The following PXN variants were observed in gnomAD, a reference collection of about 807,000 sequenced individuals.
PXN encodes the protein paxillin.
A neutral mutation model predicts 103.6 loss-of-function variants in PXN; 61 were observed. That is an observed-to-expected ratio of 0.59 (90% confidence interval 0.48 to 0.73). The LOEUF is 0.73. Ranked by LOEUF, PXN falls within the 30% of genes least tolerant of loss-of-function variation. The pLI is 0.00. For synonymous variants in PXN, 562 were observed against 607.8 expected (o/e 0.92, Z 1.11); for missense variants, 1,274 against 1,460.3 (o/e 0.87, Z 2.08).
At chr12:120,264,957 GT>G (rs1159792173) in intron 1 of PXN, among the ~76,000 whole-genome samples, 3 of 152,150 alleles carry the variant, frequency 2.0e-5, no homozygotes, top group Non-Finnish European at 4.4e-5. Flanking sequence ...CAGATTTGAA[GT>G]GGGGGGTCAG....
At chr12:120,241,131 G>A (rs1168025080) in intron 1 of PXN, among the ~76,000 whole-genome samples, 1 of 152,174 alleles carries the variant, frequency 6.6e-6, no homozygotes, top group African/African-American at 2.4e-5. Context: ...CAATAGTCAT[G>A]GCCCAAAGGG....
chr12:120,217,154 TC>T lies in PXN; in HGVS notation c.1717-39del, dbSNP rs997528919. On this transcript the variant is annotated intron_variant, in intron 7 of 14. Transcript: ENST00000637617. The surrounding 1 kb of genome is among the most constrained non-coding windows in gnomAD (Gnocchi z 4.1). ...GGAGGGGAGGCTGTCACCGTCCCAC[TC>T]CCAGCTTGCACAACGCTGCTCAGGC... 8 of 1,501,430 alleles carry T rather than the reference TC, an allele frequency of 5.3e-6. No homozygotes were observed. In the African/African-American group the frequency reaches 1.1e-4, roughly 21 times the overall value. 93.0% of individuals were successfully genotyped at this position (1,501,430 alleles called of 1,614,324 possible).
chr12:120,219,699 G>A lies in PXN; in HGVS notation c.1224C>T (p.Ser408=). The change falls in exon 7 of 15, where the codon AGC becomes AGT. Residue 408 remains serine, a synonymous_variant. Coordinates refer to ENST00000637617, the MANE Select transcript of PXN (RefSeq NM_001385981.1). The surrounding 1 kb of genome is among the most constrained non-coding windows in gnomAD (Gnocchi z 6.5). ...PRCHTVPCAG[S]TALQEPGEPQ... ...GCTCCCCAGGCTCTTGGAGAGCTGT[G>A]CTCCCAGCACAGGGTACAGTGTGGC... 1 of 1,593,884 alleles carries A rather than the reference G, an allele frequency of 6.3e-7. No individual in the cohort carries two copies. The highest frequency in any genetic ancestry group is 1.3e-5 in the African/African-American group (1 of 74,920).
In PXN at chr12:120,233,624, G is replaced by A. The variant is rs142626050; in HGVS notation, c.14-9247C>T. Among the ~76,000 whole-genome samples, 205 of 152,254 alleles carry A rather than the reference G, an allele frequency of 1.3e-3. 1 individual carries two copies. Among genetic ancestry groups the A allele is most frequent in the African/African-American group, 4.7e-3 (195 of 41,544 alleles). On this transcript the variant is annotated intron_variant, in intron 1 of 14. Transcript: ENST00000637617. ...CCCGGCCCTCACAGGCCTCTTAGAG[G>A]GGCTTGAATGAATGTGTGCAGAGCA...
intron 1 of PXN, among the ~76,000 whole-genome samples, chr12:120,254,211 C>G (rs1892650942): frequency 6.6e-6 from 1 of 151,984 alleles, no homozygotes; most frequent in African/African-American, 2.4e-5. Flanking sequence ...ATAAAGAGGT[C>G]AAATACAGAG....
Position 120,217,685 on chromosome 12 carries a change from T to C in PXN, c.1717-569A>G, listed in dbSNP as rs1336367198. Among the ~76,000 whole-genome samples, 1 of 152,094 alleles carries C rather than the reference T, an allele frequency of 6.6e-6. No individual in the cohort carries two copies. Among genetic ancestry groups the C allele is most frequent in the Non-Finnish European group, 1.5e-5 (1 of 68,014 alleles). ...ACCTCCGCCTCCTGGGTTCAAGAGA[T>C]TCTCCTGCCTCAGCCTCCTGAGTAG... On this transcript the variant is annotated intron_variant, in intron 7 of 14. Transcript: ENST00000637617. The surrounding 1 kb of genome is among the most constrained non-coding windows in gnomAD (Gnocchi z 4.1).
rs942527595 is a variant in PXN, at chr12:120,224,013, G to A, written c.240+138C>T. ...GGTCACTGTTCCACTCACGTGGTGA[G>A]TGGGAAGAGCAGTGTCTGGTTGGGA... On this transcript the variant is annotated intron_variant, in intron 2 of 14. Transcript: ENST00000637617. The surrounding 1 kb of genome is among the most constrained non-coding windows in gnomAD (Gnocchi z 5.0). The A allele has an allele frequency of 1.6e-5, 13 of 812,848 alleles. No individual in the cohort carries two copies. The South Asian group carries it at 2.0e-4, about 12-fold the overall frequency. 50.4% of individuals were successfully genotyped at this position (812,848 alleles called of 1,614,324 possible).
chr12:120,250,651 G>A (rs1249273930), intron 1 of PXN, among the ~76,000 whole-genome samples: 1 of 152,146 alleles, frequency 6.6e-6, no homozygotes, highest in Non-Finnish European at 1.5e-5. Flanking sequence ...AGGCTCAGGG[G>A]AAATTAAAAG....
chr12:120,262,085 G>A (rs1893965798), intron 1 of PXN, among the ~76,000 whole-genome samples: 2 of 152,196 alleles, frequency 1.3e-5, no homozygotes, highest in African/African-American at 4.8e-5. Context: ...CCACAGACAG[G>A]AAAGCCCAAA....
At chr12:120,257,232 G>C (rs1893156491) in intron 1 of PXN, among the ~76,000 whole-genome samples, 1 of 152,166 alleles carries the variant, frequency 6.6e-6, no homozygotes, top group African/African-American at 2.4e-5. Context: ...AAACAGAACA[G>C]AACATGGCTG....
At chr12:120,237,180 CAG>C (rs1223512624) in intron 1 of PXN, among the ~76,000 whole-genome samples, 1 of 145,866 alleles carries the variant, frequency 6.9e-6, no homozygotes, top group Non-Finnish European at 1.5e-5. Flanking sequence ...CACACACACA[CAG>C]AATCTCACTT....
chr12:120,220,819 T>C lies in PXN; in HGVS notation c.832-728A>G, dbSNP rs1884902869. ...GCTGAAGGGAGGCTAGGAGACACCATCAGGGCCAAGGGTGCAGGGACCGTT... is the reference window on the plus strand; with the variant it reads ...GCTGAAGGGAGGCTAGGAGACACCACCAGGGCCAAGGGTGCAGGGACCGTT... On this transcript the variant is annotated intron_variant, in intron 6 of 14. Coordinates refer to ENST00000637617, the MANE Select transcript of PXN (RefSeq NM_001385981.1). This position sits in a 1 kb window ranked among gnomAD's most constrained non-coding sequence, Gnocchi z 6.1. 6.6e-6 allele frequency among the ~76,000 whole-genome samples: 1 copy of C among 152,064 alleles called. No individual in the cohort carries two copies. The highest frequency in any genetic ancestry group is 2.4e-5 in the African/African-American group (1 of 41,388).
chr12:120,254,878 G>A (rs1334319746), intron 1 of PXN, among the ~76,000 whole-genome samples: 1 of 152,060 alleles, frequency 6.6e-6, no homozygotes, highest in Non-Finnish European at 1.5e-5. Flanking sequence ...AAATAAAGAA[G>A]CACATGAAAA....
chr12:120,233,650 A>C (rs1888484846), intron 1 of PXN, among the ~76,000 whole-genome samples: 1 of 152,164 alleles, frequency 6.6e-6, no homozygotes, highest in Non-Finnish European at 1.5e-5. Flanking sequence ...GTGCAGAGCA[A>C]GGGGTGGAGT....
chr12:120,213,971 G>T lies in PXN; in HGVS notation c.2850C>A (p.Gly950=), dbSNP rs1336495917. ...FGPEGFHEKD[G]KAYCRKDYFD... is the part of the protein sequence containing the mutation. ...AGTAGTCCTTGCGACAGTAGGCCTT[G>T]CCGTCCTTCTCGTGGAACCCTGGGG... The change falls in exon 14 of 15, where the codon GGC becomes GGA. Residue 950 remains glycine, a synonymous_variant. Coordinates refer to ENST00000637617, the MANE Select transcript of PXN (RefSeq NM_001385981.1). The surrounding 1 kb of genome is among the most constrained non-coding windows in gnomAD (Gnocchi z 4.2). The T allele has an allele frequency of 6.2e-7, 1 of 1,612,544 alleles. No individual in the cohort carries two copies. The highest frequency in any genetic ancestry group is 8.5e-7 in the Non-Finnish European group (1 of 1,179,456).
intron 1 of PXN, among the ~76,000 whole-genome samples, chr12:120,239,661 G>C (rs1440262113): frequency 6.6e-6 from 1 of 152,200 alleles, no homozygotes; most frequent in Non-Finnish European, 1.5e-5. Flanking sequence ...TGAGGCAACG[G>C]AATTGCTTGA....
At chr12:120,235,181 G>A (rs765205280) in intron 1 of PXN, among the ~76,000 whole-genome samples, 2 of 152,038 alleles carry the variant, frequency 1.3e-5, no homozygotes, top group Non-Finnish European at 2.9e-5. Context: ...ACCCAGAATC[G>A]CAACAATAGA....
chr12:120,214,950 T>C lies in PXN; in HGVS notation c.2623A>G (p.Thr875Ala), dbSNP rs746283612. 6.2e-7 allele frequency: 1 copy of C among 1,613,864 alleles called. No individual in the cohort carries two copies. The highest frequency in any genetic ancestry group is 2.2e-5 in the East Asian group (1 of 44,874). Residue 875 changes from threonine (T) to alanine (A), a missense_variant, in exon 12 of 15, where the codon ACC becomes GCC. By Grantham distance (58) the Thr-to-Ala change is moderately conservative. Transcript: ENST00000637617. The surrounding 1 kb of genome is among the most constrained non-coding windows in gnomAD (Gnocchi z 5.0). ...KTWHPEHFVC[T>A]HCQEEIGSRN... ...GATCCGATCTCCTCCTGGCAGTGGG[T>C]GCAGACGAAGTGCTCGGGGTGCCAC...
Position 120,216,678 on chromosome 12 carries a change from A to G in PXN, c.1993-97T>C. 1 of 1,586,590 alleles carries G rather than the reference A, an allele frequency of 6.3e-7. No individual in the cohort carries two copies. Among genetic ancestry groups the G allele is most frequent in the Non-Finnish European group, 8.5e-7 (1 of 1,176,162 alleles). ...CCCCAGGCTCCCCCTGGGCCTTCCC[A>G]CTCTGCACCAAGAGTGGGGCCAGTC... On this transcript the variant is annotated intron_variant, in intron 8 of 14. Transcript: ENST00000637617. The surrounding 1 kb of genome is among the most constrained non-coding windows in gnomAD (Gnocchi z 5.1).
Sources: gnomAD v4.1 joint callset for allele counts (sites outside exome capture counted in the v4.1 genomes callset) on GRCh38, gnomAD v4.1.1 for gene constraint, Gnocchi (gnomAD v3.1) non-coding constraint, MANE v1.5 for transcripts, NCBI Gene and HGNC (gene_info 2026-07-23, HGNC 2026-07-21) for gene names.